NEK10: variants seen among roughly 807,000 people sequenced by gnomAD.
NEK10 encodes the protein serine/threonine-protein kinase Nek10.
Under a neutral mutation model 159.8 loss-of-function variants are expected in NEK10, and 122 were observed. The ratio of observed to expected loss-of-function variants is 0.76; its 90% CI spans 0.66 to 0.89. The LOEUF (loss-of-function observed/expected upper bound fraction) is 0.89, where lower values mean the gene tolerates loss of function less well. Among genes scored for constraint, NEK10 ranks in the 40% least tolerant of loss-of-function variants. The pLI, the probability that NEK10 is intolerant of heterozygous loss-of-function variation, is 0.00. For missense variants in NEK10, 1,342 were observed against 1,323.1 expected (o/e 1.01, Z -0.22); for synonymous variants, 466 against 457.1 (o/e 1.02, Z -0.25).
At chr3:27,136,757 C>T (rs2125550841) in intron 31 of NEK10, among the ~76,000 whole-genome samples, 1 of 152,228 alleles carries the variant, frequency 6.6e-6, no homozygotes, top group South Asian at 2.1e-4. Flanking sequence ...AAAATAGTTG[C>T]TTTTAGATGA....
chr3:27,238,568 T>A (rs1331280360), intron 23 of NEK10, among the ~76,000 whole-genome samples: 1 of 152,192 alleles, frequency 6.6e-6, no homozygotes, highest in Non-Finnish European at 1.5e-5. Flanking sequence ...TTCACTTTTG[T>A]CTGTGATGTC....
intron 22 of NEK10, among the ~76,000 whole-genome samples, chr3:27,257,602 C>T (rs955750798): frequency 2.6e-5 from 4 of 152,124 alleles, no homozygotes; most frequent in Non-Finnish European, 5.9e-5. Flanking sequence ...CAGCCACTTA[C>T]ATGAATTGCC....
At chr3:27,312,863 T>A (rs2044814197) in intron 7 of NEK10, among the ~76,000 whole-genome samples, 1 of 152,170 alleles carries the variant, frequency 6.6e-6, no homozygotes, top group African/African-American at 2.4e-5. Context: ...CATGAATCAA[T>A]TTTCTAAGAA....
chr3:27,222,973 T>C (rs1400034623), intron 23 of NEK10, among the ~76,000 whole-genome samples: 1 of 152,114 alleles, frequency 6.6e-6, no homozygotes, highest in Non-Finnish European at 1.5e-5. Context: ...CCCAGGATTA[T>C]CTGAATGTGG....
chr3:27,239,305 A>C (rs1380390583), intron 23 of NEK10, among the ~76,000 whole-genome samples: 1 of 152,216 alleles, frequency 6.6e-6, no homozygotes, highest in African/African-American at 2.4e-5. Context: ...ATTCAAATGT[A>C]GTAATTTTGT....
chr3:27,191,471 T>C (rs1949116647), intron 26 of NEK10, among the ~76,000 whole-genome samples: 1 of 152,234 alleles, frequency 6.6e-6, no homozygotes, highest in Non-Finnish European at 1.5e-5. Flanking sequence ...TGGATATTTG[T>C]AGCTTTGGCA....
chr3:27,309,272 C>T (rs1367284355), intron 9 of NEK10: 1 of 207,024 alleles, frequency 4.8e-6, no homozygotes, highest in African/African-American at 2.3e-5. Flanking sequence ...TTTTTCATGG[C>T]ATTAAATATA....
At chr3:27,182,623 T>C (rs1056313136) in intron 26 of NEK10, among the ~76,000 whole-genome samples, 2 of 152,100 alleles carry the variant, frequency 1.3e-5, no homozygotes, top group Non-Finnish European at 2.9e-5. Flanking sequence ...GAAATAAGTA[T>C]GTTGAAGAGA....
chr3:27,352,028 A>C (rs2048005811), intron 3 of NEK10, among the ~76,000 whole-genome samples: 2 of 152,082 alleles, frequency 1.3e-5, no homozygotes, highest in Non-Finnish European at 2.9e-5. Context: ...GGTGAGGTAC[A>C]TTGTGCAGCA....
At chr3:27,188,973 T>C (rs1021693678) in intron 26 of NEK10, among the ~76,000 whole-genome samples, 3 of 152,174 alleles carry the variant, frequency 2.0e-5, no homozygotes, top group African/African-American at 7.2e-5. Context: ...AAAACATGGA[T>C]AACGATTTTC....
intron 5 of NEK10, among the ~76,000 whole-genome samples, chr3:27,331,965 G>A (rs553178883): frequency 6.6e-6 from 1 of 151,988 alleles, no homozygotes; most frequent in Non-Finnish European, 1.5e-5. Flanking sequence ...TGCAAATAAG[G>A]TCATACTAAA....
intron 3 of NEK10, among the ~76,000 whole-genome samples, chr3:27,346,803 A>C (rs757744548): frequency 1.2e-4 from 19 of 152,252 alleles, no homozygotes; most frequent in Admixed American, 5.2e-4. Flanking sequence ...AATCAGTCTG[A>C]ACATCCTGAT....
At chr3:27,151,315 G>C (rs1447678167) in intron 30 of NEK10, among the ~76,000 whole-genome samples, 2 of 152,082 alleles carry the variant, frequency 1.3e-5, no homozygotes, top group Non-Finnish European at 2.9e-5. Context: ...ACCCATAGAT[G>C]GTTCACATCA....
At chr3:27,203,396 GA>G (rs1177261916) in intron 23 of NEK10, among the ~76,000 whole-genome samples, 1 of 152,154 alleles carries the variant, frequency 6.6e-6, no homozygotes, top group Non-Finnish European at 1.5e-5. Flanking sequence ...CACTGCTTCT[GA>G]AATTGCCACA....
chr3:27,194,713 T>A (rs1199328144), intron 25 of NEK10: 1 of 152,210 alleles, frequency 6.6e-6, no homozygotes, highest in Non-Finnish European at 1.5e-5. Flanking sequence ...TTAGTCCTCA[T>A]GACTGCTTCT....
At chr3:27,235,065 C>T (rs756947847) in intron 23 of NEK10, among the ~76,000 whole-genome samples, 1 of 151,978 alleles carries the variant, frequency 6.6e-6, no homozygotes, top group Admixed American at 6.6e-5. Flanking sequence ...TAGCCACAAG[C>T]AGAAAATTGA....
chr3:27,318,005 G>A (rs977361247), intron 6 of NEK10, among the ~76,000 whole-genome samples: 1 of 152,052 alleles, frequency 6.6e-6, no homozygotes, highest in Non-Finnish European at 1.5e-5. Context: ...GGGTTTCACC[G>A]TGTTAGCCAG....
At chr3:27,213,614 G>A (rs149591199) in intron 23 of NEK10, among the ~76,000 whole-genome samples, 2 of 152,278 alleles carry the variant, frequency 1.3e-5, no homozygotes, top group Non-Finnish European at 1.5e-5. Flanking sequence ...AGTTCAGGCC[G>A]TGATAGGTAA....
rs1373119166 is a variant in NEK10, at chr3:27,248,177, A to G, written c.2090+8119T>C. Among the ~76,000 whole-genome samples, 3 of 152,198 alleles carry G rather than the reference A, an allele frequency of 2.0e-5. No individual in the cohort carries two copies. In the East Asian group the frequency reaches 5.8e-4, roughly 29 times the overall value. ...CACATAGTTGTTCGTGGTAGCCACT[A>G]ATTATTCTTTGAATTTCTGCAGTAT... On this transcript the variant is annotated intron_variant, in intron 23 of 35. Transcript: ENST00000691995.
Sources: allele counts gnomAD v4.1 joint callset (sites outside exome capture counted in the v4.1 genomes callset), GRCh38; gene constraint gnomAD v4.1.1; transcripts MANE v1.5; gene names NCBI Gene and HGNC (gene_info 2026-07-23, HGNC 2026-07-21).